Variants in GJA10 observed in about 807,000 individuals in gnomAD.
GJA10 encodes gap junction alpha-10 protein.
For synonymous variants in GJA10, 239 were observed against 233.0 expected (o/e 1.03, Z -0.23); for missense variants, 685 against 651.9 (o/e 1.05, Z -0.55).
At position 89,895,927 on chromosome 6, in the gene GJA10, C is replaced by G. The variant is rs561069836; in HGVS notation, c.1459C>G (p.Pro487Ala). Reference protein sequence around the residue: ...RTSMVRQAALPIMELSQELFH... With the variant: ...RTSMVRQAALAIMELSQELFH... ...ATCAATGGTAAGACAGGCAGCCCTA[C>G]CGATCATGGAACTATCACAAGAGCT... Residue 487 changes from proline to alanine, a missense_variant, in exon 1 of 1, where the codon CCG (proline) becomes GCG (alanine). Transcript: ENST00000369352. 6.2e-7 allele frequency: 1 copy of G among 1,614,072 alleles called. No individual in the cohort carries two copies. Among genetic ancestry groups the G allele is most frequent in the African/African-American group, 1.3e-5 (1 of 74,920 alleles).
Position 89,894,759 on chromosome 6 carries a change from T to C in GJA10, c.291T>C (p.Leu97=). 1 of 1,614,222 alleles carries C rather than the reference T, an allele frequency of 6.2e-7. No homozygotes were observed. The highest frequency in any genetic ancestry group is 8.5e-7 in the Non-Finnish European group (1 of 1,180,040). The change falls in exon 1 of 1, where the codon CTT becomes CTC. Residue 97 remains leucine, a synonymous_variant. Transcript: ENST00000369352. ...CTTTGGTCTATATGGGCCATGCACT[T>C]TATAGGCTCAGGGCCTTTGAGAAAG... ...SPSLVYMGHA[L]YRLRAFEKDR...
chr6:89,895,220 T>C lies in GJA10; in HGVS notation c.752T>C (p.Ile251Thr), dbSNP rs1170253794. 1.2e-6 allele frequency: 2 copies of C among 1,614,136 alleles called. No individual in the cohort carries two copies. Among genetic ancestry groups the C allele is most frequent in the South Asian group, 2.2e-5 (2 of 91,078 alleles). The part of the protein sequence containing the change: ...TLYKKSSSEG[I>T]EDETGPPFHL... Reference sequence around the variant, plus strand: ...TATAAGAAATCCAGCAGTGAGGGCATTGAGGATGAAACAGGCCCTCCATTC... The same window carrying C: ...TATAAGAAATCCAGCAGTGAGGGCACTGAGGATGAAACAGGCCCTCCATTC... The change falls in exon 1 of 1, where the codon ATT becomes ACT. Residue 251 changes from isoleucine to threonine, a missense_variant. Coordinates refer to ENST00000369352, the MANE Select transcript of GJA10 (RefSeq NM_032602.2).
In GJA10 at chr6:89,895,714, A is replaced by T. The variant is rs1771748845; in HGVS notation, c.1246A>T (p.Ser416Cys). The T allele has an allele frequency of 4.3e-6, 7 of 1,614,164 alleles. No homozygotes were observed. Among genetic ancestry groups the T allele is most frequent in the Non-Finnish European group, 5.9e-6 (7 of 1,180,028 alleles). The part of the protein sequence containing the change: ...CRDSEGSMRE[S>C]GVWIDRSRPG... Reference sequence around the variant, plus strand: ...AGACAGTGAAGGCAGCATGAGAGAGAGTGGGGTCTGGATAGACAGATCTCG... The same window carrying T: ...AGACAGTGAAGGCAGCATGAGAGAGTGTGGGGTCTGGATAGACAGATCTCG... Residue 416 changes from serine (S) to cysteine (C), a missense_variant, in exon 1 of 1, where the codon AGT (serine) becomes TGT (cysteine). By Grantham distance (112) the Ser-to-Cys change is moderately radical (BLOSUM62 -1). Coordinates refer to ENST00000369352, the MANE Select transcript of GJA10 (RefSeq NM_032602.2).
chr6:89,894,829 C>A lies in GJA10; in HGVS notation c.361C>A (p.Pro121Thr). 6.2e-7 allele frequency: 1 copy of A among 1,614,106 alleles called. No individual in the cohort carries two copies. The highest frequency in any genetic ancestry group is 1.1e-5 in the South Asian group (1 of 91,080). The change falls in exon 1 of 1, where the codon CCA (proline) becomes ACA (threonine). Residue 121 changes from proline to threonine, a missense_variant. Coordinates refer to ENST00000369352, the MANE Select transcript of GJA10 (RefSeq NM_032602.2). ...ACACCTTAGAGCCCAGATGGAGAATCCAGATCTTGACTTGGAGGAGCAGCA... is the reference window on the plus strand; with the variant it reads ...ACACCTTAGAGCCCAGATGGAGAATACAGATCTTGACTTGGAGGAGCAGCA... ...KSHLRAQMENPDLDLEEQQRI... is the reference protein window; with the variant it reads ...KSHLRAQMENTDLDLEEQQRI...
Position 89,895,266 on chromosome 6 carries a change from G to A in GJA10, c.798G>A (p.Val266=). The change falls in exon 1 of 1, where the codon GTG becomes GTA. Residue 266 remains valine, a synonymous_variant. Coordinates refer to ENST00000369352, the MANE Select transcript of GJA10 (RefSeq NM_032602.2). Reference sequence around the variant, plus strand: ...CATTCCATTTGAAGAAATATTCTGTGGCCCAGCAGTGTATGATTTGCTCTT... The same window carrying A: ...CATTCCATTTGAAGAAATATTCTGTAGCCCAGCAGTGTATGATTTGCTCTT... ...GPPFHLKKYS[V]AQQCMICSSL... is the part of the protein sequence containing the mutation. 1 of 1,614,100 alleles carries A rather than the reference G, an allele frequency of 6.2e-7. No homozygotes were observed. The highest frequency in any genetic ancestry group is 8.5e-7 in the Non-Finnish European group (1 of 1,180,026).
chr6:89,895,672 C>T lies in GJA10; in HGVS notation c.1204C>T (p.Leu402Phe). ...ACCCTCAGGTGAGCCTCTCACAGAT[C>T]TTCATAGTCACTGCAGAGACAGTGA... is the stretch of plus-strand genomic sequence containing the variant. ...PEPSGEPLTDLHSHCRDSEGS... is the reference protein window; with the variant it reads ...PEPSGEPLTDFHSHCRDSEGS... Residue 402 changes from leucine (L) to phenylalanine (F), a missense_variant, in exon 1 of 1, where the codon CTT becomes TTT. Transcript: ENST00000369352. The T allele has an allele frequency of 6.2e-7, 1 of 1,614,206 alleles. No homozygotes were observed. Among genetic ancestry groups the T allele is most frequent in the East Asian group, 2.2e-5 (1 of 44,884 alleles).
Position 89,895,867 on chromosome 6 carries a change from C to T in GJA10, c.1399C>T (p.Pro467Ser), listed in dbSNP as rs777639477. ...GGATTTTCCTCACTGGGAAAACAGCCCCTCACCTCTGCCTTCAGTCACTGG... is the reference window on the plus strand; with the variant it reads ...GGATTTTCCTCACTGGGAAAACAGCTCCTCACCTCTGCCTTCAGTCACTGG... ...CLDFPHWENSPSPLPSVTGHR... is the reference protein window; with the variant it reads ...CLDFPHWENSSSPLPSVTGHR... Residue 467 changes from proline to serine, a missense_variant, in exon 1 of 1, where the codon CCC becomes TCC. By Grantham distance (74) the Pro-to-Ser change is moderately conservative. Coordinates refer to ENST00000369352, the MANE Select transcript of GJA10 (RefSeq NM_032602.2). 2 of 1,614,132 alleles carry T rather than the reference C, an allele frequency of 1.2e-6. No homozygotes were observed. The highest frequency in any genetic ancestry group is 1.1e-5 in the South Asian group (1 of 91,080).
Position 89,895,553 on chromosome 6 carries a change from A to G in GJA10, c.1085A>G (p.Asn362Ser), listed in dbSNP as rs1357060067. The G allele has an allele frequency of 6.2e-7, 1 of 1,614,212 alleles. No homozygotes were observed. Among genetic ancestry groups the G allele is most frequent in the South Asian group, 1.1e-5 (1 of 91,078 alleles). Residue 362 changes from asparagine to serine, a missense_variant, in exon 1 of 1, where the codon AAT (asparagine) becomes AGT (serine). Asn to Ser is a conservative substitution (Grantham distance 46). Transcript: ENST00000369352. ...QSDHSSFGLQ[N>S]TMSQSWLGTT... ...GACCATTCCTCATTTGGCCTGCAGAATACAATGTCTCAGTCCTGGCTAGGT... is the reference window on the plus strand; with the variant it reads ...GACCATTCCTCATTTGGCCTGCAGAGTACAATGTCTCAGTCCTGGCTAGGT...
In GJA10 at chr6:89,895,732, A is replaced by T; in HGVS notation, c.1264A>T (p.Arg422Ter). 6.2e-7 allele frequency: 1 copy of T among 1,614,220 alleles called. No homozygotes were observed. Among genetic ancestry groups the T allele is most frequent in the Non-Finnish European group, 8.5e-7 (1 of 1,180,028 alleles). The stretch of plus-strand genomic sequence containing the variant: ...GAGAGAGAGTGGGGTCTGGATAGAC[A>T]GATCTCGCCCAGGCAGTCGCAAGGC... Residue 422 changes from arginine to a stop codon, truncating the protein, a stop_gained, in exon 1 of 2, where the codon AGA becomes TGA. Transcript: ENST00000638915. LOFTEE classifies it high-confidence loss of function.
In GJA10 at chr6:89,895,083, C is replaced by G; in HGVS notation, c.615C>G (p.Pro205=). ...CGGTGGATTGCTTTGTATCCAGGCC[C>G]ACTGAGAAGACAATTTTCATGCTTT... ...PNAVDCFVSR[P]TEKTIFMLFM... Residue 205 remains proline, a synonymous_variant, in exon 1 of 1, where the codon CCC becomes CCG. Coordinates refer to ENST00000369352, the MANE Select transcript of GJA10 (RefSeq NM_032602.2). 3 of 1,614,142 alleles carry G rather than the reference C, an allele frequency of 1.9e-6. No homozygotes were observed. Among genetic ancestry groups the G allele is most frequent in the Non-Finnish European group, 2.5e-6 (3 of 1,180,036 alleles).
At position 89,895,116 on chromosome 6, in the gene GJA10, C is replaced by T. The variant is rs1160338703; in HGVS notation, c.648C>T (p.His216=). 6.2e-7 allele frequency: 1 copy of T among 1,613,996 alleles called. No homozygotes were observed. The highest frequency in any genetic ancestry group is 1.3e-5 in the African/African-American group (1 of 74,878). ...TEKTIFMLFM[H]SIAAISLLLN... ...AGACAATTTTCATGCTTTTTATGCA[C>T]AGCATTGCAGCCATTTCCTTGTTAC... Residue 216 remains histidine (H), a synonymous_variant, in exon 1 of 1, where the codon CAC becomes CAT. Transcript: ENST00000369352.
At position 89,895,142 on chromosome 6, in the gene GJA10, T is replaced by C; in HGVS notation, c.674T>C (p.Leu225Pro). The C allele has an allele frequency of 6.2e-7, 1 of 1,614,110 alleles. No individual in the cohort carries two copies. The highest frequency in any genetic ancestry group is 1.7e-5 in the Admixed American group (1 of 60,000). The change falls in exon 1 of 1, where the codon CTC (leucine) becomes CCC (proline). Residue 225 changes from leucine (L) to proline (P), a missense_variant. Transcript: ENST00000369352. ...AGCATTGCAGCCATTTCCTTGTTAC[T>C]CAATATACTGGAAATATTTCATCTA... ...MHSIAAISLL[L>P]NILEIFHLGI...
Position 89,895,761 on chromosome 6 carries a change from C to G in GJA10, c.1293C>G (p.Ser431Arg). Residue 431 changes from serine to arginine, a missense_variant, in exon 1 of 1, where the codon AGC becomes AGG. Transcript: ENST00000369352. Reference sequence around the variant, plus strand: ...CTCGCCCAGGCAGTCGCAAGGCCAGCTTTCTGTCCAGATTGTTGTCTGAAA... The same window carrying G: ...CTCGCCCAGGCAGTCGCAAGGCCAGGTTTCTGTCCAGATTGTTGTCTGAAA... ...DRSRPGSRKA[S>R]FLSRLLSEKR... 6.2e-7 allele frequency: 1 copy of G among 1,614,200 alleles called. No individual in the cohort carries two copies.
At position 89,894,489 on chromosome 6, in the gene GJA10, GGGT is replaced by G; in HGVS notation, c.24_26del (p.Gly9del). ...TAACCATGGGGGACTGGAACTTATT[GGGT>G]GGCATCCTAGAGGAAGTTCACTCCC... On this transcript the variant is annotated inframe_deletion, in exon 1 of 1. Transcript: ENST00000369352. 6.2e-7 allele frequency: 1 copy of G among 1,612,768 alleles called. No homozygotes were observed.
At position 89,894,766 on chromosome 6, in the gene GJA10, C is replaced by T; in HGVS notation, c.298C>T (p.Leu100Phe). 6.2e-7 allele frequency: 1 copy of T among 1,614,194 alleles called. No homozygotes were observed. Among genetic ancestry groups the T allele is most frequent in the Non-Finnish European group, 8.5e-7 (1 of 1,180,044 alleles). Residue 100 changes from leucine (L) to phenylalanine (F), a missense_variant, in exon 1 of 1, where the codon CTC becomes TTC. Leu to Phe is a conservative substitution (Grantham distance 22, BLOSUM62 0). Transcript: ENST00000369352. ...CTATATGGGCCATGCACTTTATAGG[C>T]TCAGGGCCTTTGAGAAAGACAGGCA... Reference protein sequence around the residue: ...LVYMGHALYRLRAFEKDRQRK... With the variant: ...LVYMGHALYRFRAFEKDRQRK...
rs1161521420 is a variant in GJA10, at chr6:89,896,012, G to C, written c.1544G>C (p.Cys515Ser). The C allele has an allele frequency of 1.1e-5, 18 of 1,613,070 alleles. No individual in the cohort carries two copies. Among genetic ancestry groups the C allele is most frequent in the Non-Finnish European group, 1.5e-5 (18 of 1,179,202 alleles). ...FFLPGVCMYVCVDREADGGGD... is the reference protein window; with the variant it reads ...FFLPGVCMYVSVDREADGGGD... The stretch of plus-strand genomic sequence containing the variant: ...CTTCCTGGGGTGTGTATGTATGTTT[G>C]TGTTGACAGAGAGGCAGATGGAGGG... Residue 515 changes from cysteine (C) to serine (S), a missense_variant, in exon 1 of 1, where the codon TGT becomes TCT. Transcript: ENST00000369352.
In GJA10 at chr6:89,894,703, G is replaced by T; in HGVS notation, c.235G>T (p.Val79Phe). Residue 79 changes from valine to phenylalanine, a missense_variant, in exon 1 of 1, where the codon GTT (valine) becomes TTT (phenylalanine). Val to Phe is a conservative substitution (Grantham distance 50). Coordinates refer to ENST00000369352, the MANE Select transcript of GJA10 (RefSeq NM_032602.2). ...AFPISLIRFW[V>F]LQIIFVSSPS... ...CCCTATCTCTTTGATCAGGTTCTGG[G>T]TTTTACAGATCATCTTTGTGTCTTC... 6.2e-7 allele frequency: 1 copy of T among 1,614,184 alleles called. No homozygotes were observed. Among genetic ancestry groups the T allele is most frequent in the South Asian group, 1.1e-5 (1 of 91,082 alleles).
In GJA10 at chr6:89,894,816, C is replaced by A; in HGVS notation, c.348C>A (p.Ala116=). 6.2e-7 allele frequency: 1 copy of A among 1,614,076 alleles called. No homozygotes were observed. The highest frequency in any genetic ancestry group is 8.5e-7 in the Non-Finnish European group (1 of 1,180,026). ...AGAGGAAAAAGTCACACCTTAGAGCCCAGATGGAGAATCCAGATCTTGACT... is the reference window on the plus strand; with the variant it reads ...AGAGGAAAAAGTCACACCTTAGAGCACAGATGGAGAATCCAGATCTTGACT... ...DRQRKKSHLR[A]QMENPDLDLE... Residue 116 remains alanine (A), a synonymous_variant, in exon 1 of 1, where the codon GCC becomes GCA. Transcript: ENST00000369352.
In GJA10 at chr6:89,894,565, C is replaced by T. The variant is rs780104552; in HGVS notation, c.97C>T (p.Arg33Ter). Reference sequence around the variant, plus strand: ...CTGGCTGACCATCCTCTTCATCTTCCGAATGCTGGTACTTCGTGTGGCTGC... The same window carrying T: ...CTGGCTGACCATCCTCTTCATCTTCTGAATGCTGGTACTTCGTGTGGCTGC... Residue 33 changes from arginine to a stop codon, truncating the protein, a stop_gained, in exon 1 of 2, where the codon CGA (arginine) becomes TGA (stop). Coordinates refer to the GJA10 transcript ENST00000638915. LOFTEE classifies it high-confidence loss of function. 25 of 1,614,078 alleles carry T rather than the reference C, an allele frequency of 1.5e-5. No individual in the cohort carries two copies. The highest frequency in any genetic ancestry group is 8.9e-5 in the East Asian group (4 of 44,894).
Sources: allele counts gnomAD v4.1 joint callset, GRCh38; gene constraint gnomAD v4.1.1; transcripts MANE v1.5; gene names NCBI Gene and HGNC (gene_info 2026-07-23, HGNC 2026-07-21).